Variants in MCC observed in about 807,000 individuals in gnomAD.
The protein encoded by MCC is colorectal mutant cancer protein.
Under a neutral mutation model 116.2 loss-of-function variants are expected in MCC, and 90 were observed. That is an observed-to-expected ratio of 0.77 (90% CI 0.65 to 0.92). The LOEUF (loss-of-function observed/expected upper bound fraction) is 0.92. MCC is among the 40% of genes least tolerant of loss of function. The pLI is 0.00. For synonymous variants in MCC, 578 were observed against 510.5 expected (o/e 1.13, Z -1.78); for missense variants, 1,516 against 1,312.2 (o/e 1.16, Z -2.40).
At chr5:113,166,241 A>ATATTTTT (rs1760760028) in intron 3 of MCC, among the ~76,000 whole-genome samples, 1 of 152,212 alleles carries the variant, frequency 6.6e-6, no homozygotes, top group Non-Finnish European at 1.5e-5. Context: ...ATACATTTCC[A>ATATTTTT]ACCTAGATAA....
intron 3 of MCC, among the ~76,000 whole-genome samples, chr5:113,220,542 G>C (rs922577578): frequency 5.3e-4 from 80 of 152,192 alleles, no homozygotes; most frequent in Non-Finnish European, 1.1e-3. Context: ...TTGCACATCT[G>C]TTGTCAAATT....
intron 4 of MCC, among the ~76,000 whole-genome samples, chr5:113,145,795 C>T (rs1048881346): frequency 1.3e-5 from 1 of 78,738 alleles, no homozygotes. Context: ...AACACACACA[C>T]ACACACACAC....
chr5:113,294,896 G>T, intron 3 of MCC: 1 of 985,592 alleles, frequency 1.0e-6, no homozygotes, highest in Non-Finnish European at 1.2e-6. Flanking sequence ...GAGCGGAGCT[G>T]CACTTCACGC....
intron 3 of MCC, among the ~76,000 whole-genome samples, chr5:113,245,573 A>G (rs1316716269): frequency 6.6e-6 from 1 of 152,152 alleles, no homozygotes; most frequent in East Asian, 1.9e-4. Context: ...CACCAGGATA[A>G]TAGCAGGTTT....
chr5:113,271,242 C>T (rs1765607401), intron 3 of MCC, among the ~76,000 whole-genome samples: 1 of 152,168 alleles, frequency 6.6e-6, no homozygotes, highest in African/African-American at 2.4e-5. Context: ...TTTTCCTTGA[C>T]TCAGTTTCCC....
At position 113,356,509 on chromosome 5, in the gene MCC, A is replaced by C. The variant is rs143363041; in HGVS notation, c.416-15779T>G. The stretch of plus-strand genomic sequence containing the variant: ...TGTTTCTTTCACTTATCTAAATAGC[A>C]CAGGAAACAAGTGGCAATTTGACAT... On this transcript the variant is annotated intron_variant, in intron 2 of 18. Transcript: ENST00000408903. Among the ~76,000 whole-genome samples, 16 of 152,140 alleles carry C rather than the reference A, an allele frequency of 1.1e-4. No individual in the cohort carries two copies. The East Asian group carries it at 2.9e-3, about 28-fold the overall frequency.
chr5:113,289,060 C>A (rs765452201), intron 3 of MCC, among the ~76,000 whole-genome samples: 2 of 151,978 alleles, frequency 1.3e-5, no homozygotes, highest in Non-Finnish European at 1.5e-5. Context: ...AAGGTAGGTG[C>A]GGTGGTTCAC....
chr5:113,370,269 T>C (rs546843318), intron 2 of MCC, among the ~76,000 whole-genome samples: 3 of 152,304 alleles, frequency 2.0e-5, no homozygotes, highest in Non-Finnish European at 2.9e-5. Flanking sequence ...CCTGTAACCA[T>C]TCCTAGGCCA....
chr5:113,256,216 G>C (rs891226529), intron 3 of MCC, among the ~76,000 whole-genome samples: 1 of 152,172 alleles, frequency 6.6e-6, no homozygotes, highest in East Asian at 1.9e-4. Flanking sequence ...TTCTATCCAA[G>C]AGGAGAGGTA....
At chr5:113,174,173 T>G in intron 3 of MCC, among the ~76,000 whole-genome samples, 1 of 152,286 alleles carries the variant, frequency 6.6e-6, no homozygotes, top group East Asian at 1.9e-4. Flanking sequence ...GACATTGAGA[T>G]AGCAAAGATC....
intron 3 of MCC, among the ~76,000 whole-genome samples, chr5:113,194,198 A>G (rs985362264): frequency 2.6e-5 from 4 of 152,240 alleles, no homozygotes; most frequent in Admixed American, 2.0e-4. Flanking sequence ...TCTGTCTTGG[A>G]TATGTCATAA....
chr5:113,319,746 T>C (rs1437257269), intron 3 of MCC, among the ~76,000 whole-genome samples: 1 of 152,216 alleles, frequency 6.6e-6, no homozygotes, highest in Non-Finnish European at 1.5e-5. Flanking sequence ...TTCAAACATG[T>C]TGGCTCTAGG....
At chr5:113,223,134 C>T (rs1286173446) in intron 3 of MCC, among the ~76,000 whole-genome samples, 1 of 152,098 alleles carries the variant, frequency 6.6e-6, no homozygotes, top group African/African-American at 2.4e-5. Flanking sequence ...GGGCGGCTTC[C>T]AGTGTGATAC....
intron 14 of MCC, among the ~76,000 whole-genome samples, chr5:113,058,758 C>A (rs1295154493): frequency 6.6e-6 from 1 of 152,222 alleles, no homozygotes; most frequent in African/African-American, 2.4e-5. Context: ...AGGGTTCCTG[C>A]CTCACTAAGT....
At chr5:113,428,475 CCATAT>C (rs1770539921) in intron 1 of MCC, among the ~76,000 whole-genome samples, 1 of 152,156 alleles carries the variant, frequency 6.6e-6, no homozygotes, top group African/African-American at 2.4e-5. Flanking sequence ...CAGAGACACC[CCATAT>C]CCAATGACTA....
chr5:113,084,087 T>G lies in MCC; in HGVS notation c.1635+14A>C, dbSNP rs1285676647. ...GCCGGGTACTTTCTTGCCTTGCTTC[T>G]CATGAACACTCACCCCTATGCTACT... On this transcript the variant is annotated intron_variant, in intron 10 of 18. Coordinates refer to ENST00000408903, the MANE Select transcript of MCC (RefSeq NM_001085377.2). 1.2e-6 allele frequency: 2 copies of G among 1,611,350 alleles called. No homozygotes were observed. The highest frequency in any genetic ancestry group is 3.3e-5 in the Admixed American group (2 of 59,956).
chr5:113,340,665 C>T lies in MCC; in HGVS notation c.481G>A (p.Asp161Asn). The T allele has an allele frequency of 6.2e-7, 1 of 1,614,108 alleles. No homozygotes were observed. The highest frequency in any genetic ancestry group is 8.5e-7 in the Non-Finnish European group (1 of 1,180,014). The change falls in exon 3 of 19, where the codon GAT (aspartate) becomes AAT (asparagine). Residue 161 changes from aspartate to asparagine, a missense_variant. Physicochemically the swap from Asp to Asn is conservative, Grantham distance 23 (BLOSUM62 1). Coordinates refer to ENST00000408903, the MANE Select transcript of MCC (RefSeq NM_001085377.2). ...DSGARDLQSP[D>N]VQSQSALQKL... ...TGGAGGGCTGACTGGCTCTGCACAT[C>T]CGGGCTCTGGAGGTCCCTGGCACCA...
intron 3 of MCC, among the ~76,000 whole-genome samples, chr5:113,284,542 G>A (rs1766172517): frequency 6.6e-6 from 1 of 152,094 alleles, no homozygotes; most frequent in African/African-American, 2.4e-5. Context: ...AGGCAGAAGA[G>A]AAAAAAATAT....
chr5:113,298,030 G>A (rs1766757482), intron 3 of MCC, among the ~76,000 whole-genome samples: 2 of 152,150 alleles, frequency 1.3e-5, no homozygotes, highest in Admixed American at 1.3e-4. Flanking sequence ...TGGAATTATG[G>A]AGATAAGTCA....
Sources: allele counts gnomAD v4.1 joint callset (sites outside exome capture counted in the v4.1 genomes callset), GRCh38; gene constraint gnomAD v4.1.1; transcripts MANE v1.5; gene names NCBI Gene and HGNC (gene_info 2026-07-23, HGNC 2026-07-21).